Variants in ARMCX4 observed in about 807,000 individuals in gnomAD.
The protein encoded by ARMCX4 is armadillo repeat-containing X-linked protein 4.
Under a neutral mutation model 34.7 loss-of-function variants are expected in ARMCX4, and 3 were observed. That is an observed-to-expected ratio of 0.09 (90% CI 0.04 to 0.22). The LOEUF (loss-of-function observed/expected upper bound fraction) is 0.22. Ranked by LOEUF, ARMCX4 falls within the 10% of genes least tolerant of loss-of-function variation. ARMCX4 has a pLI of 1.00. For missense variants in ARMCX4, 1,448 were observed against 1,720.8 expected, an observed-to-expected ratio of 0.84 and a Z score of 2.81; for synonymous variants, 513 against 632.8, an observed-to-expected ratio of 0.81 and a Z score of 2.84.
intron 2 of ARMCX4, among the ~76,000 whole-genome samples, chrX:101,438,106 T>A (rs1930938562): frequency 9.0e-6 from 1 of 111,407 alleles, no homozygotes; most frequent in Admixed American, 9.6e-5. Flanking sequence ...TTGGAATAGG[T>A]GTGGTGTGGT....
chrX:101,528,974 A>G (rs1603230374), intron 11 of ARMCX4, among the ~76,000 whole-genome samples: 1 of 111,625 alleles, frequency 9.0e-6, no homozygotes, highest in Non-Finnish European at 1.9e-5. Context: ...ACAGAACTGG[A>G]AAAAAATACT....
chrX:101,529,412 C>G (rs782023566), intron 11 of ARMCX4, among the ~76,000 whole-genome samples: 1 of 111,876 alleles, frequency 8.9e-6, no homozygotes, highest in Non-Finnish European at 1.9e-5. Context: ...CCATTCAGGA[C>G]GTAGGCATAG....
chrX:101,503,187 G>A (rs1185750113), intron 7 of ARMCX4, among the ~76,000 whole-genome samples: 1 of 110,197 alleles, frequency 9.1e-6, no homozygotes, highest in Non-Finnish European at 1.9e-5. Context: ...GTCTATCATT[G>A]TTGGACTTTT....
Position 101,493,423 on chromosome X carries a change from G to A in ARMCX4, c.4834G>A (p.Gly1612Ser). The change falls in exon 6 of 6, where the codon GGT (glycine) becomes AGT (serine). Residue 1612 changes from glycine (G) to serine (S), a missense_variant. Gly to Ser is a moderately conservative substitution (Grantham distance 56, BLOSUM62 0). Coordinates refer to ENST00000423738, the MANE Select transcript of ARMCX4 (RefSeq NM_001256155.3). Reference protein sequence around the residue: ...EDQSSGIGSWGVAGGQVLGGA... With the variant: ...EDQSSGIGSWSVAGGQVLGGA... ...TCAGTCCAGTGGAATAGGTTCCTGGGGTGTGGCTGGTGGCCAGGTCCTTGG... is the reference window on the plus strand; with the variant it reads ...TCAGTCCAGTGGAATAGGTTCCTGGAGTGTGGCTGGTGGCCAGGTCCTTGG... 1 of 1,155,209 alleles carries A rather than the reference G, an allele frequency of 8.7e-7. No individual in the cohort carries two copies. The highest frequency in any genetic ancestry group is 1.1e-6 in the Non-Finnish European group (1 of 872,642).
intron 2 of ARMCX4, among the ~76,000 whole-genome samples, chrX:101,434,568 A>G (rs1346071844): frequency 6.3e-5 from 7 of 111,529 alleles, no homozygotes; most frequent in African/African-American, 2.3e-4. Context: ...TTCTTAAAAA[A>G]CATCAAAATG....
intron 4 of ARMCX4, among the ~76,000 whole-genome samples, chrX:101,454,004 T>C: frequency 9.0e-6 from 1 of 110,578 alleles, no homozygotes; most frequent in South Asian, 3.9e-4. Flanking sequence ...GTTTTAGAGA[T>C]ATAGCGTCGT....
At chrX:101,521,084 A>G (rs1323266460) in intron 11 of ARMCX4, among the ~76,000 whole-genome samples, 1 of 108,853 alleles carries the variant, frequency 9.2e-6, no homozygotes, top group African/African-American at 3.4e-5. Context: ...GATGCCTGCC[A>G]CCATGCCTGG....
chrX:101,431,759 G>T (rs192109280), intron 2 of ARMCX4, among the ~76,000 whole-genome samples: 7 of 111,667 alleles, frequency 6.3e-5, no homozygotes, highest in Admixed American at 5.7e-4. Flanking sequence ...TAGCCAGGAT[G>T]GTCTTGATCT....
upstream of ARMCX4, among the ~76,000 whole-genome samples, chrX:101,482,890 CTTTTT>C (rs36075508): frequency 2.0e-4 from 11 of 54,735 alleles, no homozygotes; most frequent in African/African-American, 7.8e-4. Context: ...TTGCGTCAGG[CTTTTT>C]TTTTTTTTTT....
rs1247384856 is a variant in ARMCX4, at chrX:101,528,760, G to T, written c.*1781-2884G>T. 5.4e-5 allele frequency among the ~76,000 whole-genome samples: 6 copies of T among 110,713 alleles called. No individual in the cohort carries two copies. The East Asian group carries it at 1.7e-3, about 31-fold the overall frequency. On this transcript the variant is annotated intron_variant and NMD_transcript_variant, in intron 11 of 12. Transcript: ENST00000354842. ...TGCTTCAAAGAGGATAAAATACCTA[G>T]GAATCCAACTTACAAGGGCTGTGAA... is the stretch of plus-strand genomic sequence containing the variant.
At chrX:101,433,041 C>A (rs200814635) in intron 2 of ARMCX4, among the ~76,000 whole-genome samples, 1 of 67,347 alleles carries the variant, frequency 1.5e-5, no homozygotes, top group Non-Finnish European at 3.1e-5. Flanking sequence ...CGTGTATATA[C>A]ACACATATGT....
intron 4 of ARMCX4, among the ~76,000 whole-genome samples, chrX:101,460,837 C>T (rs371622670): frequency 9.9e-5 from 11 of 111,376 alleles, no homozygotes; most frequent in East Asian, 5.6e-4. Flanking sequence ...GCCTCTAAGA[C>T]GGTGATCTCA....
intron 11 of ARMCX4, among the ~76,000 whole-genome samples, chrX:101,517,669 A>G (rs1556018267): frequency 8.9e-6 from 1 of 112,190 alleles, no homozygotes; most frequent in Non-Finnish European, 1.9e-5. Context: ...GAAACAAAAA[A>G]CAAACACCTC....
chrX:101,509,662 A>C (rs1365704370), exon 10 of ARMCX4: 1 of 111,266 alleles, frequency 9.0e-6, no homozygotes, highest in East Asian at 2.8e-4. Flanking sequence ...TGGCCCCCCA[A>C]AGTGCTGGGA....
chrX:101,454,033 A>G (rs1932131409), intron 4 of ARMCX4, among the ~76,000 whole-genome samples: 1 of 110,818 alleles, frequency 9.0e-6, no homozygotes, highest in African/African-American at 3.3e-5. Flanking sequence ...AGAAAATTTC[A>G]GCCTGGAGGG....
chrX:101,512,881 G>A (rs868951709), intron 11 of ARMCX4, among the ~76,000 whole-genome samples: 1 of 77,345 alleles, frequency 1.3e-5, no homozygotes, highest in African/African-American at 4.7e-5. Flanking sequence ...TAGAGAGAGA[G>A]AGAGAGAGAA....
chrX:101,511,075 T>C (rs1934570643), intron 11 of ARMCX4: 1 of 111,656 alleles, frequency 9.0e-6, no homozygotes, highest in Non-Finnish European at 1.9e-5. Flanking sequence ...TTTTTATTCA[T>C]TTTGATAGGA....
chrX:101,528,263 G>T (rs1556021177), intron 11 of ARMCX4, among the ~76,000 whole-genome samples: 1 of 111,652 alleles, frequency 9.0e-6, no homozygotes, highest in Non-Finnish European at 1.9e-5. Context: ...TGCAGAAAAG[G>T]CCTTCGATAA....
chrX:101,509,191 C>A (rs1934523971), intron 8 of ARMCX4, among the ~76,000 whole-genome samples: 1 of 111,846 alleles, frequency 8.9e-6, no homozygotes, highest in African/African-American at 3.2e-5. Context: ...AATCTTTGGA[C>A]CTGCTTTAAA....
Sources: gnomAD v4.1 joint callset for allele counts (sites outside exome capture counted in the v4.1 genomes callset) on GRCh38, gnomAD v4.1.1 for gene constraint, MANE v1.5 for transcripts, NCBI Gene and HGNC (gene_info 2026-07-23, HGNC 2026-07-21) for gene names.